Variants in ACOXL observed in about 807,000 individuals in gnomAD.
ACOXL encodes acyl-CoA oxidase like, also known as acyl-coenzyme A oxidase-like protein.
A neutral mutation model predicts 71.9 loss-of-function variants in ACOXL; 70 were observed. That is an observed-to-expected ratio of 0.97 (90% CI 0.80 to 1.19). The LOEUF is 1.19. Ranked by LOEUF, ACOXL falls within the 50% of genes most tolerant of loss-of-function variation. The probability of loss-of-function intolerance (pLI) is 0.00; values close to 1 mark genes in which losing one functional copy is unlikely to be tolerated. For missense variants in ACOXL, 703 were observed against 736.3 expected (o/e 0.95, Z 0.52); for synonymous variants, 253 against 281.6 (o/e 0.90, Z 1.02).
intron 12 of ACOXL, among the ~76,000 whole-genome samples, chr2:110,955,480 T>C (rs4619626): frequency 0.56 from 84,311 of 149,876 alleles, 23,922 homozygotes; most frequent in East Asian, 0.75. Context: ...ATGGTCTGTG[T>C]TCCACTAAGC....
chr2:111,033,851 C>T (rs934331314), intron 15 of ACOXL, among the ~76,000 whole-genome samples: 1 of 152,146 alleles, frequency 6.6e-6, no homozygotes, highest in Non-Finnish European at 1.5e-5. Flanking sequence ...CCACAGATAT[C>T]GCCCTTCCTG....
chr2:111,024,987 A>G (rs901359138), intron 14 of ACOXL, among the ~76,000 whole-genome samples: 2 of 151,944 alleles, frequency 1.3e-5, no homozygotes, highest in Admixed American at 1.3e-4. Context: ...ACAAATGCAT[A>G]TGTCATATAA....
chr2:110,751,410 C>A (rs1016874052), intron 1 of ACOXL, among the ~76,000 whole-genome samples: 5 of 151,696 alleles, frequency 3.3e-5, no homozygotes, highest in African/African-American at 4.8e-5. Flanking sequence ...TGCTACTATA[C>A]TTGCTTTATC....
chr2:110,858,092 C>T lies in ACOXL; in HGVS notation c.788+16687C>T, dbSNP rs74607854. Among the ~76,000 whole-genome samples the T allele has an allele frequency of 2.6e-3, 390 of 152,242 alleles. 6 individuals are homozygous for T. The highest frequency in any genetic ancestry group is 9.8e-3 in the East Asian group (51 of 5,190). Reference sequence around the variant, plus strand: ...TTTTTTAGGTGCTCTGGACATATATCGAGTACCTGCTATCTGCCTAGTTAC... The same window carrying T: ...TTTTTTAGGTGCTCTGGACATATATTGAGTACCTGCTATCTGCCTAGTTAC... On this transcript the variant is annotated intron_variant, in intron 10 of 17. Coordinates refer to ENST00000439055, the MANE Select transcript of ACOXL (RefSeq NM_001142807.4).
At chr2:111,043,755 C>G (rs866512117) in intron 15 of ACOXL, among the ~76,000 whole-genome samples, 3 of 152,196 alleles carry the variant, frequency 2.0e-5, no homozygotes, top group Non-Finnish European at 4.4e-5. Context: ...CCCAGCAATG[C>G]TCAGCCATCA....
intron 14 of ACOXL, among the ~76,000 whole-genome samples, chr2:111,013,743 T>G (rs1202945681): frequency 6.6e-6 from 1 of 152,106 alleles, no homozygotes; most frequent in African/African-American, 2.4e-5. Flanking sequence ...ATCAAACATT[T>G]AAAGACAAAA....
At chr2:110,839,277 T>C (rs1465509091) in intron 9 of ACOXL, among the ~76,000 whole-genome samples, 2 of 152,210 alleles carry the variant, frequency 1.3e-5, no homozygotes, top group Non-Finnish European at 2.9e-5. Flanking sequence ...ATCTTATAAT[T>C]AGCCTCACTG....
chr2:110,805,011 C>T (rs573894273), intron 8 of ACOXL, among the ~76,000 whole-genome samples: 10 of 152,170 alleles, frequency 6.6e-5, no homozygotes, highest in East Asian at 1.9e-4. Context: ...GGTCAGTGTG[C>T]GGTCTGCACA....
At chr2:110,974,185 T>C (rs879442623) in intron 12 of ACOXL, among the ~76,000 whole-genome samples, 2 of 152,194 alleles carry the variant, frequency 1.3e-5, no homozygotes, top group East Asian at 1.9e-4. Flanking sequence ...ATTCTCCTTA[T>C]TGAAGTAGAG....
intron 15 of ACOXL, among the ~76,000 whole-genome samples, chr2:111,045,017 A>G: frequency 6.6e-6 from 1 of 152,194 alleles, no homozygotes; most frequent in East Asian, 1.9e-4. Flanking sequence ...CCAACCAAGG[A>G]GAACTTAACT....
intron 10 of ACOXL, among the ~76,000 whole-genome samples, chr2:110,888,510 C>A (rs1697585128): frequency 6.6e-6 from 1 of 152,198 alleles, no homozygotes; most frequent in Admixed American, 6.5e-5. Context: ...TAACCAGAAT[C>A]TTCTTCACTC....
At chr2:110,886,950 G>A in intron 10 of ACOXL, 1 of 1,390,444 alleles carries the variant, frequency 7.2e-7, no homozygotes, top group Non-Finnish European at 9.9e-7. Flanking sequence ...GATCCCTATA[G>A]GCTTCTCACT....
At chr2:110,779,661 A>G (rs1213322661) in intron 2 of ACOXL, among the ~76,000 whole-genome samples, 1 of 152,234 alleles carries the variant, frequency 6.6e-6, no homozygotes, top group African/African-American at 2.4e-5. Flanking sequence ...TCTGAAAGAA[A>G]CTCACACATA....
intron 3 of ACOXL, among the ~76,000 whole-genome samples, chr2:110,792,000 C>T (rs1202611456): frequency 6.6e-6 from 1 of 152,186 alleles, no homozygotes; most frequent in Non-Finnish European, 1.5e-5. Flanking sequence ...GCTTCATTCC[C>T]CAGCTCATGG....
rs2060553370 is a variant in ACOXL, at chr2:110,933,482, C to T, written c.906-7C>T. On this transcript the variant is annotated splice_polypyrimidine_tract_variant and splice_region_variant and intron_variant, in intron 11 of 17. Coordinates refer to ENST00000439055, the MANE Select transcript of ACOXL (RefSeq NM_001142807.4). ...CTTCCATCACACATGTCTGCTTTGTCCTGCAGGTATGCTGGGGCCCTCCTG... is the reference window on the plus strand; with the variant it reads ...CTTCCATCACACATGTCTGCTTTGTTCTGCAGGTATGCTGGGGCCCTCCTG... 6 of 1,612,846 alleles carry T rather than the reference C, an allele frequency of 3.7e-6. No individual in the cohort carries two copies. In the South Asian group the frequency reaches 6.6e-5, roughly 18 times the overall value.
chr2:111,117,262 G>A (rs2070426952), intron 17 of ACOXL, among the ~76,000 whole-genome samples: 1 of 152,230 alleles, frequency 6.6e-6, no homozygotes, highest in Non-Finnish European at 1.5e-5. Flanking sequence ...GAGAGGAGCG[G>A]AGGGAAGGAC....
At chr2:110,985,697 G>C (rs1423126992) in intron 12 of ACOXL, among the ~76,000 whole-genome samples, 2 of 152,142 alleles carry the variant, frequency 1.3e-5, no homozygotes, top group Non-Finnish European at 2.9e-5. Flanking sequence ...AGGGAACAGG[G>C]GAGTTTAATT....
At chr2:110,892,945 C>G (rs1698087683) in intron 10 of ACOXL, among the ~76,000 whole-genome samples, 1 of 152,188 alleles carries the variant, frequency 6.6e-6, no homozygotes, top group Non-Finnish European at 1.5e-5. Context: ...CTGCAGTTAA[C>G]TATGTTGGTA....
intron 9 of ACOXL, among the ~76,000 whole-genome samples, chr2:110,820,099 C>T (rs1391042782): frequency 6.6e-6 from 1 of 152,168 alleles, no homozygotes; most frequent in Non-Finnish European, 1.5e-5. Context: ...TCCCAACATT[C>T]CCTAGTCAGT....
Sources: gnomAD v4.1 joint callset for allele counts (sites outside exome capture counted in the v4.1 genomes callset) on GRCh38, gnomAD v4.1.1 for gene constraint, MANE v1.5 for transcripts, NCBI Gene and HGNC (gene_info 2026-07-23, HGNC 2026-07-21) for gene names.